CCNH: variants seen among roughly 807,000 people sequenced by gnomAD.
CCNH encodes the protein cyclin H, also known as cyclin-H.
A neutral mutation model predicts 41.9 loss-of-function variants in CCNH; 31 were observed. The ratio of observed to expected loss-of-function variants is 0.74; its 90% CI spans 0.56 to 1.00. The LOEUF (loss-of-function observed/expected upper bound fraction) is 1.00, where lower values mean the gene tolerates loss of function less well. Ranked by LOEUF, CCNH falls within the 50% of genes least tolerant of loss-of-function variation. The probability of loss-of-function intolerance (pLI) is 0.00; values close to 1 mark genes in which losing one functional copy is unlikely to be tolerated. For synonymous variants in CCNH, 138 were observed against 136.1 expected (o/e 1.01, Z -0.10); for missense variants, 362 against 388.4 (o/e 0.93, Z 0.57).
At chr5:87,381,862 A>G (rs1435296132), upstream of CCNH, among the ~76,000 whole-genome samples, 1 of 152,224 alleles carries the variant, frequency 6.6e-6, no homozygotes, top group Non-Finnish European at 1.5e-5. Flanking sequence ...GTTAGGTTTC[A>G]GGCTCATAGA....
At chr5:87,326,954 T>C (rs769758409) in intron 9 of CCNH, among the ~76,000 whole-genome samples, 1 of 152,208 alleles carries the variant, frequency 6.6e-6, no homozygotes, top group Non-Finnish European at 1.5e-5. Flanking sequence ...GAGACTAAGA[T>C]GATTCACAGA....
At chr5:87,338,537 T>TATATATATATATATATA (rs1421369290) in intron 9 of CCNH, among the ~76,000 whole-genome samples, 2 of 79,792 alleles carry the variant, frequency 2.5e-5, no homozygotes, top group Non-Finnish European at 5.3e-5. Flanking sequence ...ATATATAAAA[T>TATATATATATATATATA]TTTTTTTTTT....
At chr5:87,387,651 CTT>C (rs1229008594), downstream of CCNH, among the ~76,000 whole-genome samples, 10 of 152,110 alleles carry the variant, frequency 6.6e-5, no homozygotes, top group African/African-American at 2.4e-4. Context: ...CATGTTCTGT[CTT>C]AATGTATTCA....
chr5:87,362,933 G>T, intron 9 of CCNH, among the ~76,000 whole-genome samples: 1 of 145,652 alleles, frequency 6.9e-6, no homozygotes, highest in South Asian at 2.2e-4. Flanking sequence ...AACTCCTTAT[G>T]GCACATGGCA....
Position 87,359,177 on chromosome 5 carries a change from C to T in CCNH, c.*90+33593G>A, listed in dbSNP as rs150640173. Reference sequence around the variant, plus strand: ...TTTATTGAATTAATATATTAAATGGCGTTTTCCTACATTAAGTGACAAAGC... The same window carrying T: ...TTTATTGAATTAATATATTAAATGGTGTTTTCCTACATTAAGTGACAAAGC... On this transcript the variant is annotated intron_variant and NMD_transcript_variant, in intron 9 of 9. Coordinates refer to the CCNH transcript ENST00000645953. Among the ~76,000 whole-genome samples, 1,225 of 152,152 alleles carry T rather than the reference C, an allele frequency of 8.1e-3. 41 individuals carry two copies. Among genetic ancestry groups the T allele is most frequent in the Admixed American group, 0.06 (915 of 15,272 alleles).
downstream of CCNH, chr5:87,391,429 C>CTT (rs1047334612): frequency 4.1e-6 from 1 of 242,950 alleles, no homozygotes; most frequent in African/African-American, 2.2e-5. Context: ...TTGCTGTATA[C>CTT]TTTTAAAAAA....
chr5:87,408,143 C>G lies in CCNH; in HGVS notation c.358G>C (p.Val120Leu), dbSNP rs764792458. 32 of 1,469,746 alleles carry G rather than the reference C, an allele frequency of 2.2e-5. No individual in the cohort carries two copies. In the East Asian group the frequency reaches 8.1e-4, roughly 37 times the overall value. The allele number at this position is 1,469,746 out of a possible 1,614,324, so 91.0% of individuals were successfully genotyped here. The change falls in exon 4 of 9, where the codon GTA becomes CTA. Residue 120 changes from valine (V) to leucine (L), a missense_variant. Val to Leu is a conservative substitution (Grantham distance 32, BLOSUM62 1). Transcript: ENST00000256897. ...TTTCCAACAAACTGAGGACTAGATA[C>G]ATTGAATTCATCTACTTTGCAGGCC... ...FLACKVDEFN[V>L]SSPQFVGNLR... is the part of the protein sequence containing the mutation.
chr5:87,402,715 C>T (rs1392728680), intron 5 of CCNH, among the ~76,000 whole-genome samples: 1 of 152,114 alleles, frequency 6.6e-6, no homozygotes, highest in Admixed American at 6.5e-5. Flanking sequence ...CAGGAAATCT[C>T]CTGACAACTA....
downstream of CCNH, among the ~76,000 whole-genome samples, chr5:87,317,698 C>T (rs558123944): frequency 6.0e-5 from 9 of 151,112 alleles, no homozygotes; most frequent in Admixed American, 4.0e-4. Context: ...TGCAGTGGCA[C>T]GATCTCAGCT....
intron 9 of CCNH, among the ~76,000 whole-genome samples, chr5:87,324,755 A>T (rs568304463): frequency 2.6e-5 from 4 of 152,240 alleles, no homozygotes; most frequent in African/African-American, 9.6e-5. Flanking sequence ...CCTCAAGTTT[A>T]AGTGATGTGT....
upstream of CCNH, among the ~76,000 whole-genome samples, chr5:87,381,400 T>C (rs1228452658): frequency 2.0e-5 from 3 of 152,212 alleles, no homozygotes; most frequent in Non-Finnish European, 4.4e-5. Flanking sequence ...GGAAGTTTAA[T>C]GCGAAAGCGT....
At chr5:87,319,507 A>T (rs764246588) in intron 9 of CCNH, among the ~76,000 whole-genome samples, 16 of 152,146 alleles carry the variant, frequency 1.1e-4, no homozygotes, top group Non-Finnish European at 2.1e-4. Context: ...TGTGGAATCC[A>T]CCAAGGCTTG....
intron 9 of CCNH, among the ~76,000 whole-genome samples, chr5:87,355,562 G>A (rs913091002): frequency 1.3e-5 from 2 of 152,208 alleles, no homozygotes; most frequent in African/African-American, 2.4e-5. Flanking sequence ...AGATAGAGAT[G>A]TACAAGGAGA....
downstream of CCNH, chr5:87,391,285 G>T (rs1762497629): frequency 2.7e-6 from 1 of 374,706 alleles, no homozygotes; most frequent in East Asian, 4.3e-5. Flanking sequence ...CATTCTTATT[G>T]ACAATTGTGT....
At chr5:87,389,831 A>G (rs560999470), downstream of CCNH, among the ~76,000 whole-genome samples, 96 of 151,380 alleles carry the variant, frequency 6.3e-4, no homozygotes, top group African/African-American at 2.3e-3. Flanking sequence ...TATTGATTTT[A>G]TTTTTTTTTC....
At chr5:87,398,761 C>G (rs1032369395) in intron 7 of CCNH, among the ~76,000 whole-genome samples, 1 of 151,942 alleles carries the variant, frequency 6.6e-6, no homozygotes, top group Admixed American at 6.6e-5. Flanking sequence ...ATCATGAGGT[C>G]AGGAGATTGA....
At chr5:87,392,620 A>G (rs1762604442), downstream of CCNH, 1 of 248,950 alleles carries the variant, frequency 4.0e-6, no homozygotes, top group Admixed American at 5.2e-5. Context: ...GCTCCCATTT[A>G]TCACACCTCA....
At chr5:87,344,097 G>A (rs1330743527) in intron 9 of CCNH, among the ~76,000 whole-genome samples, 2 of 152,048 alleles carry the variant, frequency 1.3e-5, no homozygotes, top group African/African-American at 2.4e-5. Context: ...GATACAATAT[G>A]GCTGATTAAT....
At chr5:87,316,885 ATT>A (rs769140137), downstream of CCNH, among the ~76,000 whole-genome samples, 14 of 143,278 alleles carry the variant, frequency 9.8e-5, no homozygotes, top group Non-Finnish European at 1.2e-4. Context: ...TGGATACCAC[ATT>A]TTTTTTTTTT....
Sources: gnomAD v4.1 joint callset for allele counts (sites outside exome capture counted in the v4.1 genomes callset) on GRCh38, gnomAD v4.1.1 for gene constraint, MANE v1.5 for transcripts, NCBI Gene and HGNC (gene_info 2026-07-23, HGNC 2026-07-21) for gene names.